USP34: variants seen among roughly 807,000 people sequenced by gnomAD.
USP34 encodes ubiquitin carboxyl-terminal hydrolase 34.
Under a neutral mutation model 460.3 loss-of-function variants are expected in USP34, and 70 were observed. The observed-to-expected ratio is 0.15, with a 90% CI of 0.13 to 0.19. The LOEUF is 0.19. USP34 is among the 10% of genes least tolerant of loss of function. USP34 has a pLI of 1.00. For synonymous variants in USP34, 1,647 were observed against 1,405.3 expected (o/e 1.17, Z -3.85); for missense variants, 3,985 against 4,236.2 (o/e 0.94, Z 1.65).
chr2:61,270,342 CTG>C (rs1225213896), intron 41 of USP34, among the ~76,000 whole-genome samples: 1 of 152,226 alleles, frequency 6.6e-6, no homozygotes, highest in Non-Finnish European at 1.5e-5. Context: ...TCACAAGACA[CTG>C]TGAATCTGCC....
chr2:61,320,768 G>A (rs756006069), intron 21 of USP34, among the ~76,000 whole-genome samples: 13 of 152,134 alleles, frequency 8.5e-5, no homozygotes, highest in East Asian at 1.9e-4. Context: ...CCAGCCCTTC[G>A]GGAGGACGAG....
In USP34 at chr2:61,259,518, G is replaced by T. The variant is rs183333932; in HGVS notation, c.5844+193C>A. 1.5e-4 allele frequency among the ~76,000 whole-genome samples: 22 copies of T among 151,442 alleles called. 1 individual carries two copies. In the East Asian group the frequency reaches 4.1e-3, roughly 28 times the overall value. ...GCCTCCCTTTTCAGTCTCCTAAGCA[G>T]CCGGGACTACAGGCACGCACCACCA... On this transcript the variant is annotated intron_variant, in intron 44 of 79. Transcript: ENST00000398571.
chr2:61,438,213 G>C (rs1694869453), intron 1 of USP34, among the ~76,000 whole-genome samples: 1 of 152,104 alleles, frequency 6.6e-6, no homozygotes, highest in Admixed American at 6.5e-5. Context: ...CAAATCAATG[G>C]ATGTCATACA....
chr2:61,188,197 G>C lies in USP34; in HGVS notation c.10546C>G (p.Gln3516Glu). The change falls in exon 80 of 80, where the codon CAA becomes GAA. Residue 3516 changes from glutamine (Q) to glutamate (E), a missense_variant. Gln to Glu is a conservative substitution (Grantham distance 29). Coordinates refer to ENST00000398571, the MANE Select transcript of USP34 (RefSeq NM_014709.4). ...CACAGGGTATCTAAAATGTCATGTT[G>C]CTGCATATGACTAAAGAGTCCTCTG... ...HSRGLFSHMQ[Q>E]HDILDTLCRT... is the part of the protein sequence containing the mutation. The C allele has an allele frequency of 6.2e-7, 1 of 1,614,136 alleles. No individual in the cohort carries two copies. Among genetic ancestry groups the C allele is most frequent in the Non-Finnish European group, 8.5e-7 (1 of 1,180,040 alleles).
chr2:61,230,806 T>C (rs1482191759), intron 58 of USP34, among the ~76,000 whole-genome samples: 1 of 147,438 alleles, frequency 6.8e-6, no homozygotes, highest in South Asian at 2.1e-4. Context: ...ACCACGGCAC[T>C]GCACTCTAGC....
intron 29 of USP34, among the ~76,000 whole-genome samples, chr2:61,299,022 A>G (rs1456115206): frequency 6.6e-6 from 1 of 152,098 alleles, no homozygotes; most frequent in Non-Finnish European, 1.5e-5. Flanking sequence ...TTATTCCCCT[A>G]ATACATGGAA....
intron 1 of USP34, among the ~76,000 whole-genome samples, chr2:61,469,341 ACAGT>A (rs1326682007): frequency 1.3e-5 from 2 of 152,222 alleles, no homozygotes; most frequent in Admixed American, 6.5e-5. Context: ...GATATAAAAC[ACAGT>A]AAGTATTGAG....
chr2:61,311,597 T>A lies in USP34; in HGVS notation c.3760A>T (p.Asn1254Tyr). ...WYENLQKEQI[N>Y]QQAQLQEFGQ... ...AACTCCTGAAGCTGAGCTTGTTGAT[T>A]TATTTGTTCTTTCTGTAAATTTTCA... is the stretch of plus-strand genomic sequence containing the variant. The change falls in exon 27 of 80, where the codon AAT becomes TAT. Residue 1254 changes from asparagine (N) to tyrosine (Y), a missense_variant. Asn to Tyr is a moderately radical substitution (Grantham distance 143). Coordinates refer to ENST00000398571, the MANE Select transcript of USP34 (RefSeq NM_014709.4). 1 of 1,613,470 alleles carries A rather than the reference T, an allele frequency of 6.2e-7. No homozygotes were observed. The highest frequency in any genetic ancestry group is 8.5e-7 in the Non-Finnish European group (1 of 1,179,768).
chr2:61,251,459 C>G (rs1214003905), intron 48 of USP34, among the ~76,000 whole-genome samples: 1 of 152,138 alleles, frequency 6.6e-6, no homozygotes, highest in Non-Finnish European at 1.5e-5. Context: ...CATAACTATG[C>G]TAATTTTTCT....
chr2:61,429,150 A>C (rs1378682866), intron 1 of USP34, among the ~76,000 whole-genome samples: 1 of 152,186 alleles, frequency 6.6e-6, no homozygotes, highest in Non-Finnish European at 1.5e-5. Flanking sequence ...AACAAATTTT[A>C]AAATTAGCTA....
At chr2:61,385,887 T>C (rs909756164) in intron 5 of USP34, among the ~76,000 whole-genome samples, 9 of 150,222 alleles carry the variant, frequency 6.0e-5, no homozygotes, top group Non-Finnish European at 1.2e-4. Context: ...TCCCAGCTAC[T>C]TGGGATGCTG....
rs1350200129 is a variant in USP34 at position 61,189,003 on chromosome 2, G to T, written c.9940C>A (p.Pro3314Thr). ...TTGCTTAAAAGCTCTTGCAGAGTTGGAATTAGAGCTGGGTTTAACTGTTTG... is the reference window on the plus strand; with the variant it reads ...TTGCTTAAAAGCTCTTGCAGAGTTGTAATTAGAGCTGGGTTTAACTGTTTG... ...TPKQLNPALI[P>T]TLQELLSKCR... is the part of the protein sequence containing the mutation. The change falls in exon 79 of 80, where the codon CCA becomes ACA. Residue 3314 changes from proline (P) to threonine (T), a missense_variant. Transcript: ENST00000398571. 1 of 1,614,080 alleles carries T rather than the reference G, an allele frequency of 6.2e-7. No individual in the cohort carries two copies. Among genetic ancestry groups the T allele is most frequent in the East Asian group, 2.2e-5 (1 of 44,890 alleles).
chr2:61,350,400 G>C lies in USP34; in HGVS notation c.1378-11C>G, dbSNP rs1279623290. The C allele has an allele frequency of 1.0e-5, 16 of 1,597,724 alleles. No individual in the cohort carries two copies. Among genetic ancestry groups the C allele is most frequent in the Non-Finnish European group, 1.3e-5 (15 of 1,173,888 alleles). Reference sequence around the variant, plus strand: ...TGCCAAGTACAGTGTCTAAAAAAAAGAGGGAGAGATTTCAGTTTGAGAATT... The same window carrying C: ...TGCCAAGTACAGTGTCTAAAAAAAACAGGGAGAGATTTCAGTTTGAGAATT... On this transcript the variant is annotated splice_polypyrimidine_tract_variant and intron_variant, in intron 11 of 79. Transcript: ENST00000398571.
At chr2:61,201,504 C>T (rs905371420) in intron 75 of USP34, among the ~76,000 whole-genome samples, 3 of 152,148 alleles carry the variant, frequency 2.0e-5, no homozygotes, top group Non-Finnish European at 2.9e-5. Context: ...TGAGCCACCA[C>T]GTCCGGCCCT....
rs370954228 is a variant in USP34, at chr2:61,380,161, C to T, written c.1014+8G>A. On this transcript the variant is annotated splice_region_variant and intron_variant, in intron 7 of 79. Coordinates refer to ENST00000398571, the MANE Select transcript of USP34 (RefSeq NM_014709.4). ...ACGATGACCAAAAATAAAACAAATA[C>T]AGCTTACTGTTATCTGACTCAATCC... 82 of 1,603,954 alleles carry T rather than the reference C, an allele frequency of 5.1e-5. No individual in the cohort carries two copies. The highest frequency in any genetic ancestry group is 1.0e-4 in the South Asian group (9 of 90,336).
intron 1 of USP34, among the ~76,000 whole-genome samples, chr2:61,435,307 CAAAAAAAAAAAA>C (rs59158283): frequency 4.9e-5 from 2 of 40,954 alleles, no homozygotes; most frequent in Non-Finnish European, 4.2e-5. Flanking sequence ...GACCTTGTTT[CAAAAAAAAAAAA>C]AAAAAAAAAA....
intron 18 of USP34, among the ~76,000 whole-genome samples, chr2:61,335,240 T>G (rs1691382049): frequency 6.6e-6 from 1 of 152,228 alleles, no homozygotes; most frequent in African/African-American, 2.4e-5. Context: ...GAATTTCTCC[T>G]ATAATGACTA....
rs1463630755 is a variant in USP34 at position 61,215,748 on chromosome 2, CTA to C, written c.8048-1056_8048-1055del. Reference sequence around the variant, plus strand: ...AATGGTAAAACAATAATAGTAATAACTATAATAAGAATTGTGAGCCTTTACCA... The same window carrying C: ...AATGGTAAAACAATAATAGTAATAACTAATAAGAATTGTGAGCCTTTACCA... On this transcript the variant is annotated intron_variant, in intron 67 of 79. Transcript: ENST00000398571. 3.9e-5 allele frequency among the ~76,000 whole-genome samples: 6 copies of C among 152,268 alleles called. No individual in the cohort carries two copies. In the East Asian group the frequency reaches 9.7e-4, roughly 24 times the overall value.
Position 61,372,971 on chromosome 2 carries a change from T to C in USP34, c.1077-2392A>G, listed in dbSNP as rs143818878. 5.9e-5 allele frequency among the ~76,000 whole-genome samples: 9 copies of C among 152,206 alleles called. No individual in the cohort carries two copies. In the East Asian group the frequency reaches 7.7e-4, roughly 13 times the overall value. On this transcript the variant is annotated intron_variant, in intron 8 of 79. Transcript: ENST00000398571. ...CACATCTACACATATTGTAGTCAAA[T>C]GATTTAAAGGAGTAAGAGAAAAACA...
Sources: allele counts gnomAD v4.1 joint callset (sites outside exome capture counted in the v4.1 genomes callset), GRCh38; gene constraint gnomAD v4.1.1; transcripts MANE v1.5; gene names NCBI Gene and HGNC (gene_info 2026-07-23, HGNC 2026-07-21).